Variants in NRXN1 observed in about 807,000 individuals in gnomAD.
The protein encoded by NRXN1 is neurexin-1.
Under a neutral mutation model 150.9 loss-of-function variants are expected in NRXN1, and 39 were observed. That is an observed-to-expected ratio of 0.26 (90% CI 0.20 to 0.34). The LOEUF (loss-of-function observed/expected upper bound fraction) is 0.34. Ranked by LOEUF, NRXN1 falls within the 10% of genes least tolerant of loss-of-function variation. The probability of loss-of-function intolerance (pLI) is 1.00; values close to 1 mark genes in which losing one functional copy is unlikely to be tolerated. For missense variants in NRXN1, 1,815 were observed against 1,949.9 expected (o/e 0.93, Z 1.30); for synonymous variants, 924 against 757.0 (o/e 1.22, Z -3.62).
intron 2 of NRXN1, among the ~76,000 whole-genome samples, chr2:50,999,415 A>T (rs1699749897): frequency 6.6e-6 from 1 of 151,962 alleles, no homozygotes; most frequent in Admixed American, 6.6e-5. Flanking sequence ...TATGGGGCTG[A>T]AAGATTAGGG....
At chr2:50,835,392 C>A (rs1216345830) in intron 5 of NRXN1, among the ~76,000 whole-genome samples, 1 of 151,994 alleles carries the variant, frequency 6.6e-6, no homozygotes, top group Non-Finnish European at 1.5e-5. Flanking sequence ...GTTGCTTTTC[C>A]AACAATAAGA....
At chr2:50,205,815 C>T (rs1460451043) in intron 18 of NRXN1, among the ~76,000 whole-genome samples, 1 of 151,862 alleles carries the variant, frequency 6.6e-6, no homozygotes, top group Non-Finnish European at 1.5e-5. Flanking sequence ...CATGGATGAA[C>T]CTTGAAAACA....
chr2:49,983,778 ATTAT>A (rs1680406305), intron 21 of NRXN1, among the ~76,000 whole-genome samples: 2 of 152,242 alleles, frequency 1.3e-5, no homozygotes, highest in South Asian at 4.1e-4. Flanking sequence ...CTGCTGATAA[ATTAT>A]TTAACAAAAT....
At chr2:50,470,365 T>C (rs1403876949) in intron 16 of NRXN1, among the ~76,000 whole-genome samples, 1 of 151,630 alleles carries the variant, frequency 6.6e-6, no homozygotes. Context: ...TACAGAGGCA[T>C]TATGCCAAAA....
intron 2 of NRXN1, among the ~76,000 whole-genome samples, chr2:51,017,466 G>C (rs888679296): frequency 7.6e-6 from 1 of 131,440 alleles, no homozygotes; most frequent in African/African-American, 2.9e-5. Context: ...CTCCTGACTA[G>C]CTGGGACTAC....
intron 17 of NRXN1, among the ~76,000 whole-genome samples, chr2:50,446,525 C>A (rs1573001386): frequency 7.1e-6 from 1 of 140,540 alleles, no homozygotes; most frequent in Non-Finnish European, 1.6e-5. Context: ...TCCCTCCCTC[C>A]CTTCCTTCCT....
chr2:50,051,011 C>G (rs1692629899), intron 21 of NRXN1, among the ~76,000 whole-genome samples: 1 of 151,902 alleles, frequency 6.6e-6, no homozygotes, highest in South Asian at 2.1e-4. Flanking sequence ...TTATTTAAGT[C>G]AATATCTCCT....
chr2:50,233,928 A>T (rs1009428711), intron 18 of NRXN1, among the ~76,000 whole-genome samples: 17 of 152,102 alleles, frequency 1.1e-4, no homozygotes, highest in Non-Finnish European at 2.2e-4. Flanking sequence ...AAATCTAAAT[A>T]TTAAGAACAG....
intron 5 of NRXN1, among the ~76,000 whole-genome samples, chr2:50,911,369 C>A (rs907607404): frequency 2.9e-4 from 42 of 146,034 alleles, no homozygotes; most frequent in Non-Finnish European, 8.9e-5. Context: ...AATCTTTCAA[C>A]CACTTCCTTT....
At chr2:50,518,568 T>C (rs1258168338) in intron 12 of NRXN1, among the ~76,000 whole-genome samples, 1 of 151,950 alleles carries the variant, frequency 6.6e-6, no homozygotes, top group African/African-American at 2.4e-5. Flanking sequence ...TCAAAAAGCA[T>C]ATGGGTCCTG....
intron 22 of NRXN1, among the ~76,000 whole-genome samples, chr2:49,926,980 T>C (rs1669216607): frequency 6.6e-6 from 1 of 152,216 alleles, no homozygotes; most frequent in South Asian, 2.1e-4. Flanking sequence ...CCCTTCTTTA[T>C]TGCCTCTGTG....
intron 21 of NRXN1, chr2:49,973,803 T>G: frequency 1.7e-6 from 1 of 579,210 alleles, no homozygotes; most frequent in Non-Finnish European, 3.1e-6. Flanking sequence ...AAATTTGACA[T>G]GCAATCTTCA....
At chr2:50,087,843 T>C (rs909728334) in intron 19 of NRXN1, among the ~76,000 whole-genome samples, 1 of 152,182 alleles carries the variant, frequency 6.6e-6, no homozygotes, top group Admixed American at 6.5e-5. Context: ...GTACCATTGG[T>C]CAATGCTTTG....
chr2:50,981,818 AAT>A (rs1696862153), intron 2 of NRXN1, among the ~76,000 whole-genome samples: 2 of 117,430 alleles, frequency 1.7e-5, no homozygotes, highest in African/African-American at 7.0e-5. Flanking sequence ...TTGAATAAAC[AAT>A]GTGTGTGTGT....
intron 21 of NRXN1, among the ~76,000 whole-genome samples, chr2:50,028,335 A>G (rs1051823337): frequency 1.3e-5 from 2 of 152,230 alleles, no homozygotes; most frequent in Non-Finnish European, 2.9e-5. Flanking sequence ...GGTATCTAAC[A>G]AGGAGACATC....
At position 50,598,834 on chromosome 2, in the gene NRXN1, T is replaced by C. The variant is rs185529351; in HGVS notation, c.1320+21188A>G. On this transcript the variant is annotated intron_variant, in intron 8 of 22. Transcript: ENST00000401669. ...GTGCAGTGCTGTGATCTTGGCTCAC[T>C]GCAACCTCCGCCTCCCAGGTTCAAG... 4.6e-5 allele frequency among the ~76,000 whole-genome samples: 7 copies of C among 151,798 alleles called. No individual in the cohort carries two copies. The East Asian group carries it at 1.4e-3, about 29-fold the overall frequency.
At chr2:50,141,282 A>G (rs72881239) in intron 18 of NRXN1, among the ~76,000 whole-genome samples, 5,578 of 152,136 alleles carry the variant, frequency 0.037, 353 homozygotes, top group African/African-American at 0.13. Context: ...TTAGATCCCT[A>G]TCTCTCATCA....
chr2:50,037,650 C>T (rs964326575), intron 21 of NRXN1, among the ~76,000 whole-genome samples: 1 of 152,160 alleles, frequency 6.6e-6, no homozygotes, highest in Non-Finnish European at 1.5e-5. Flanking sequence ...AATGACAATG[C>T]AATAATGCAA....
At chr2:50,442,848 T>C (rs533134013) in intron 17 of NRXN1, among the ~76,000 whole-genome samples, 6 of 152,218 alleles carry the variant, frequency 3.9e-5, no homozygotes, top group Middle Eastern at 3.4e-3. Context: ...AGGACAACCA[T>C]GTGTGTTTAG....
Sources: gnomAD v4.1 joint callset for allele counts (sites outside exome capture counted in the v4.1 genomes callset) on GRCh38, gnomAD v4.1.1 for gene constraint, MANE v1.5 for transcripts, NCBI Gene and HGNC (gene_info 2026-07-23, HGNC 2026-07-21) for gene names.